Variants in SNX16 observed in about 807,000 individuals in gnomAD.
SNX16 encodes the protein sorting nexin 16.
SNX16 carries 35 observed loss-of-function variants against 36.7 expected under a neutral mutation model. That is an observed-to-expected ratio of 0.95 (90% CI 0.73 to 1.27). SNX16 has a LOEUF of 1.27. Among genes scored for constraint, SNX16 ranks in the 50% most tolerant of loss-of-function variants. The pLI, the probability that SNX16 is intolerant of heterozygous loss-of-function variation, is 0.00. For synonymous variants in SNX16, 134 were observed against 132.0 expected (o/e 1.02, Z -0.10); for missense variants, 367 against 393.6 (o/e 0.93, Z 0.57).
At chr8:81,824,414 T>C (rs1424058258) in intron 3 of SNX16, among the ~76,000 whole-genome samples, 1 of 152,160 alleles carries the variant, frequency 6.6e-6, no homozygotes, top group Non-Finnish European at 1.5e-5. Flanking sequence ...GCATTACAAA[T>C]ATTTTCTCCC....
intron 5 of SNX16, among the ~76,000 whole-genome samples, chr8:81,812,365 C>G (rs879422756): frequency 6.6e-6 from 1 of 152,148 alleles, no homozygotes; most frequent in Admixed American, 6.5e-5. Flanking sequence ...GATCTACACC[C>G]CAATACATCA....
chr8:81,838,109 T>C (rs966238356), intron 2 of SNX16, among the ~76,000 whole-genome samples: 2 of 151,950 alleles, frequency 1.3e-5, no homozygotes, highest in African/African-American at 2.4e-5. Context: ...TAGCAGTAAA[T>C]AGAAAACAAA....
chr8:81,805,076 A>G (rs1425482369), intron 5 of SNX16, among the ~76,000 whole-genome samples: 1 of 152,258 alleles, frequency 6.6e-6, no homozygotes, highest in Non-Finnish European at 1.5e-5. Flanking sequence ...AGAAATACAT[A>G]TTCTTTTCAA....
chr8:81,813,840 T>C (rs757414992), intron 5 of SNX16, among the ~76,000 whole-genome samples: 3 of 151,920 alleles, frequency 2.0e-5, no homozygotes, highest in Non-Finnish European at 4.4e-5. Context: ...CAAAAAATCA[T>C]TAGAAACATG....
intron 5 of SNX16, chr8:81,807,705 C>T: frequency 1.7e-6 from 1 of 586,826 alleles, no homozygotes; most frequent in Non-Finnish European, 3.1e-6. Flanking sequence ...CTGAGGTCAG[C>T]TTGCTCCTTT....
chr8:81,823,646 C>T (rs1810876676), intron 4 of SNX16, 146 bp downstream of exon 4: 1 of 593,292 alleles, frequency 1.7e-6, no homozygotes, highest in Non-Finnish European at 2.7e-6. Context: ...AAGAAAATCT[C>T]TTGTAGTACT....
chr8:81,831,984 A>T (rs942755607), intron 2 of SNX16, among the ~76,000 whole-genome samples: 2 of 152,234 alleles, frequency 1.3e-5, no homozygotes, highest in African/African-American at 4.8e-5. Flanking sequence ...TTAATTCAGC[A>T]ACTGTGGAAA....
At chr8:81,815,104 TTGACTA>T (rs1168869756) in intron 5 of SNX16, 1 of 245,310 alleles carries the variant, frequency 4.1e-6, no homozygotes, top group Admixed American at 5.2e-5. Flanking sequence ...TAGAGCTTTA[TTGACTA>T]TAAGACATAT....
At chr8:81,815,098 G>T in intron 5 of SNX16, 1 of 233,214 alleles carries the variant, frequency 4.3e-6, no homozygotes, top group Non-Finnish European at 8.3e-6. Flanking sequence ...TAATTTTAGA[G>T]CTTTATTGAC....
chr8:81,827,313 T>A (rs1811062560), intron 3 of SNX16, among the ~76,000 whole-genome samples: 1 of 151,524 alleles, frequency 6.6e-6, no homozygotes, highest in Non-Finnish European at 1.5e-5. Context: ...AGAAAAATAA[T>A]GGATTTTTTT....
At chr8:81,828,794 G>T (rs1563450162) in intron 3 of SNX16, among the ~76,000 whole-genome samples, 1 of 152,152 alleles carries the variant, frequency 6.6e-6, no homozygotes, top group Non-Finnish European at 1.5e-5. Context: ...ACTGTTGCTG[G>T]CTTTGAAGAT....
chr8:81,833,901 T>C (rs1169520840), intron 2 of SNX16, among the ~76,000 whole-genome samples: 1 of 152,214 alleles, frequency 6.6e-6, no homozygotes, highest in East Asian at 1.9e-4. Context: ...TCATATGTAT[T>C]TCCTTGTACT....
intron 4 of SNX16, among the ~76,000 whole-genome samples, chr8:81,821,671 A>C (rs917540978): frequency 6.6e-6 from 1 of 152,096 alleles, no homozygotes; most frequent in African/African-American, 2.4e-5. Context: ...CCTAGACCAC[A>C]TAATCGCTAA....
intron 3 of SNX16, 137 bp from the exon 4 acceptor site, chr8:81,824,077 T>C (rs187632881): frequency 2.6e-4 from 206 of 799,922 alleles, no homozygotes; most frequent in Non-Finnish European, 1.3e-4. Flanking sequence ...AAGCTTTTTA[T>C]GCCTTGTTTT....
chr8:81,815,189 GA>G, intron 5 of SNX16, 135 bp downstream of exon 5: 1 of 582,218 alleles, frequency 1.7e-6, no homozygotes, highest in Non-Finnish European at 2.7e-6. Flanking sequence ...ACTCAAACAT[GA>G]AAGCTTTCTG....
At chr8:81,822,961 T>C (rs1224607051) in intron 4 of SNX16, among the ~76,000 whole-genome samples, 2 of 90,766 alleles carry the variant, frequency 2.2e-5, no homozygotes, top group African/African-American at 4.7e-5. Context: ...TATATATATA[T>C]ATATATATAT....
chr8:81,835,916 T>G (rs1484723223), intron 2 of SNX16, among the ~76,000 whole-genome samples: 1 of 152,208 alleles, frequency 6.6e-6, no homozygotes, highest in Non-Finnish European at 1.5e-5. Context: ...AAGAACAGTA[T>G]GGGAAAGACC....
chr8:81,810,519 A>T (rs1023689890), intron 5 of SNX16, among the ~76,000 whole-genome samples: 14 of 152,208 alleles, frequency 9.2e-5, no homozygotes, highest in Non-Finnish European at 1.3e-4. Context: ...AGAGGAGCAA[A>T]CACAGAATTT....
At chr8:81,809,948 T>C (rs370037311) in intron 5 of SNX16, among the ~76,000 whole-genome samples, 4 of 152,270 alleles carry the variant, frequency 2.6e-5, no homozygotes. Flanking sequence ...TGGAAGGCTA[T>C]ATTGATATAA....
Sources: gnomAD v4.1 joint callset for allele counts (sites outside exome capture counted in the v4.1 genomes callset) on GRCh38, gnomAD v4.1.1 for gene constraint, MANE v1.5 for transcripts, NCBI Gene and HGNC (gene_info 2026-07-23, HGNC 2026-07-21) for gene names.